KCNIP4: variants seen among roughly 807,000 people sequenced by gnomAD.
KCNIP4 encodes potassium voltage-gated channel interacting protein 4, also known as Kv channel-interacting protein 4.
A neutral mutation model predicts 34.0 loss-of-function variants in KCNIP4; 12 were observed. The ratio of observed to expected loss-of-function variants is 0.35; its 90% CI spans 0.23 to 0.57. The LOEUF is 0.57. Ranked by LOEUF, KCNIP4 falls within the 20% of genes least tolerant of loss-of-function variation. KCNIP4 has a pLI of 0.83. For synonymous variants in KCNIP4, 124 were observed against 102.2 expected, an observed-to-expected ratio of 1.21 and a Z score of -1.29; for missense variants, 238 against 311.7, an observed-to-expected ratio of 0.76 and a Z score of 1.78.
intron 1 of KCNIP4, among the ~76,000 whole-genome samples, chr4:21,551,634 A>C (rs942409602): frequency 4.6e-5 from 7 of 152,058 alleles, no homozygotes; most frequent in African/African-American, 1.7e-4. Context: ...GAGCTTTTAG[A>C]GTTCTCAATT....
chr4:21,025,377 T>C (rs1030150117), intron 1 of KCNIP4, among the ~76,000 whole-genome samples: 1 of 151,808 alleles, frequency 6.6e-6, no homozygotes, highest in African/African-American at 2.4e-5. Flanking sequence ...AGCCAAATTC[T>C]ATTCTTAGTC....
At chr4:21,238,900 A>G (rs1015922878) in intron 1 of KCNIP4, among the ~76,000 whole-genome samples, 3 of 152,216 alleles carry the variant, frequency 2.0e-5, no homozygotes, top group African/African-American at 7.2e-5. Context: ...GAACCAAAAC[A>G]GAGCCCACAT....
intron 1 of KCNIP4, among the ~76,000 whole-genome samples, chr4:20,932,481 T>G (rs34895463): frequency 2.3e-5 from 3 of 129,482 alleles, no homozygotes; most frequent in South Asian, 2.2e-4. Flanking sequence ...TAGTCTATAA[T>G]AGTCTAATAT....
rs1421512175 is a variant in KCNIP4, at chr4:21,435,312, T to G, written c.61+513259A>C. ...TAAAAGATATGACTATGGGTTACAT[T>G]TCACATAAGCAACCAGATGCTATTC... On this transcript the variant is annotated intron_variant, in intron 1 of 8. Transcript: ENST00000382152. Among the ~76,000 whole-genome samples, 4 of 152,180 alleles carry G rather than the reference T, an allele frequency of 2.6e-5. No individual in the cohort carries two copies. In the East Asian group the frequency reaches 7.7e-4, roughly 29 times the overall value.
At chr4:21,576,588 GAA>G (rs1206660941) in intron 1 of KCNIP4, among the ~76,000 whole-genome samples, 1 of 152,124 alleles carries the variant, frequency 6.6e-6, no homozygotes, top group African/African-American at 2.4e-5. Flanking sequence ...ACTTGTTTAT[GAA>G]AATATATTTT....
chr4:21,308,897 G>A (rs1486859262), intron 1 of KCNIP4, among the ~76,000 whole-genome samples: 1 of 152,008 alleles, frequency 6.6e-6, no homozygotes, highest in Non-Finnish European at 1.5e-5. Flanking sequence ...AAGCAATTTT[G>A]GGGAGTCCTT....
At chr4:20,983,703 C>T in intron 1 of KCNIP4, 1 of 831,508 alleles carries the variant, frequency 1.2e-6, no homozygotes, top group South Asian at 1.7e-5. Flanking sequence ...GCCAAACATG[C>T]ATATTTTAAA....
chr4:21,454,601 A>T (rs532816742), intron 1 of KCNIP4, among the ~76,000 whole-genome samples: 32 of 152,184 alleles, frequency 2.1e-4, no homozygotes, highest in African/African-American at 7.2e-4. Flanking sequence ...ATCCTTCTCA[A>T]TTTACCAACA....
chr4:21,392,629 CTGTT>C (rs1309604952), intron 1 of KCNIP4, among the ~76,000 whole-genome samples: 1 of 152,202 alleles, frequency 6.6e-6, no homozygotes, highest in Non-Finnish European at 1.5e-5. Flanking sequence ...TGTTTGATAA[CTGTT>C]TGATCTATGA....
intron 1 of KCNIP4, among the ~76,000 whole-genome samples, chr4:21,766,154 C>G (rs146674915): frequency 2.1e-3 from 324 of 152,244 alleles, no homozygotes; most frequent in Non-Finnish European, 3.6e-3. Context: ...GCTAACGGAG[C>G]AGGTGGTGGC....
chr4:21,477,467 C>T (rs745506664), intron 1 of KCNIP4, among the ~76,000 whole-genome samples: 1 of 152,158 alleles, frequency 6.6e-6, no homozygotes, highest in Non-Finnish European at 1.5e-5. Context: ...CTCAGTAGAA[C>T]ACCCTAGTCA....
chr4:21,832,140 C>G (rs1338721268), intron 1 of KCNIP4, among the ~76,000 whole-genome samples: 1 of 152,094 alleles, frequency 6.6e-6, no homozygotes, highest in East Asian at 1.9e-4. Flanking sequence ...AGACAAAAAT[C>G]ATATAATTCT....
intron 1 of KCNIP4, among the ~76,000 whole-genome samples, chr4:21,134,099 G>A (rs1185639922): frequency 6.6e-6 from 1 of 151,970 alleles, no homozygotes; most frequent in Admixed American, 6.6e-5. Context: ...TTGTTCTGAG[G>A]TCTCCCCAGA....
chr4:21,735,777 C>T (rs1715951812), intron 1 of KCNIP4, among the ~76,000 whole-genome samples: 1 of 152,092 alleles, frequency 6.6e-6, no homozygotes, highest in Non-Finnish European at 1.5e-5. Flanking sequence ...TGGGGACTAG[C>T]CTGCATAAAC....
chr4:21,673,527 T>C (rs1236738278), intron 1 of KCNIP4, among the ~76,000 whole-genome samples: 2 of 152,146 alleles, frequency 1.3e-5, no homozygotes, highest in Non-Finnish European at 2.9e-5. Context: ...GAATGGCATA[T>C]TTAAAAAATA....
chr4:21,419,896 T>A (rs1055363976), intron 1 of KCNIP4, among the ~76,000 whole-genome samples: 7 of 152,174 alleles, frequency 4.6e-5, no homozygotes, highest in Non-Finnish European at 8.8e-5. Flanking sequence ...CAGAGACTAA[T>A]GAAGAATTAT....
chr4:21,103,455 A>G (rs1211488269), intron 1 of KCNIP4, among the ~76,000 whole-genome samples: 2 of 148,778 alleles, frequency 1.3e-5, no homozygotes, highest in Non-Finnish European at 3.0e-5. Flanking sequence ...ACAGAATTAT[A>G]TACATTTATT....
chr4:21,813,976 C>T (rs1721816843), intron 1 of KCNIP4, among the ~76,000 whole-genome samples: 1 of 152,116 alleles, frequency 6.6e-6, no homozygotes, highest in African/African-American at 2.4e-5. Context: ...CATTGAGTGT[C>T]TCCTATCCAG....
intron 1 of KCNIP4, among the ~76,000 whole-genome samples, chr4:21,618,162 C>G (rs1221365710): frequency 1.3e-5 from 2 of 152,110 alleles, no homozygotes; most frequent in Admixed American, 1.3e-4. Flanking sequence ...TGCTGTGGTA[C>G]TCTAAATACT....
Sources: allele counts gnomAD v4.1 joint callset (sites outside exome capture counted in the v4.1 genomes callset), GRCh38; gene constraint gnomAD v4.1.1; transcripts MANE v1.5; gene names NCBI Gene and HGNC (gene_info 2026-07-23, HGNC 2026-07-21).